The following CHRNE variants were observed in gnomAD, a reference collection of about 807,000 sequenced individuals.
The protein encoded by CHRNE is cholinergic receptor nicotinic epsilon subunit, also known as acetylcholine receptor subunit epsilon.
Under a neutral mutation model 56.5 loss-of-function variants are expected in CHRNE, and 58 were observed. The observed-to-expected ratio is 1.03, with a 90% CI of 0.83 to 1.28. The LOEUF is 1.28. CHRNE is among the 50% of genes most tolerant of loss of function. The pLI, the probability that CHRNE is intolerant of heterozygous loss-of-function variation, is 0.00. For missense variants in CHRNE, 793 were observed against 688.9 expected (o/e 1.15, Z -1.69); for synonymous variants, 385 against 297.9 (o/e 1.29, Z -3.01).
intron 5 of CHRNE, 97 bp downstream of exon 5, chr17:4,901,835 G>T (rs1969996499): frequency 6.4e-7 from 1 of 1,557,856 alleles, no homozygotes; most frequent in Non-Finnish European, 8.8e-7. Context: ...CCTCCAGCGC[G>T]AAGCCCCGCC....
intron 8 of CHRNE, chr17:4,900,170 A>T: frequency 1.3e-6 from 2 of 1,546,300 alleles, no homozygotes; most frequent in Non-Finnish European, 1.7e-6. Context: ...GGCTTAGGAT[A>T]CGCGGCGATC....
At chr17:4,899,789 C>G in intron 8 of CHRNE, 2 of 1,551,318 alleles carry the variant, frequency 1.3e-6, no homozygotes, top group Middle Eastern at 3.3e-4. Context: ...GCTCCCTGGA[C>G]ACCCTGATGT....
chr17:4,902,945 T>C lies in CHRNE; in HGVS notation c.46+73A>G, dbSNP rs369693200. On this transcript the variant is annotated intron_variant, in intron 1 of 11. Coordinates refer to ENST00000649488, the MANE Select transcript of CHRNE (RefSeq NM_000080.4). The surrounding 1 kb of genome is among the most constrained non-coding windows in gnomAD (Gnocchi z 4.0). Reference sequence around the variant, plus strand: ...GTGTCTAAGTCTCCATCTTGGTCTCTGTCTTTGTCTTCCCAGTCCCTTCAT... The same window carrying C: ...GTGTCTAAGTCTCCATCTTGGTCTCCGTCTTTGTCTTCCCAGTCCCTTCAT... 6 of 1,603,478 alleles carry C rather than the reference T, an allele frequency of 3.7e-6. No individual in the cohort carries two copies. The highest frequency in any genetic ancestry group is 1.3e-5 in the African/African-American group (1 of 74,624).
At position 4,900,872 on chromosome 17, in the gene CHRNE, G is replaced by T. The variant is rs900612569; in HGVS notation, c.838C>A (p.Leu280Met). 1 of 1,614,102 alleles carries T rather than the reference G, an allele frequency of 6.2e-7. No individual in the cohort carries two copies. Among genetic ancestry groups the T allele is most frequent in the Non-Finnish European group, 8.5e-7 (1 of 1,180,024 alleles). Residue 280 changes from leucine to methionine, a missense_variant, in exon 8 of 12, where the codon CTG becomes ATG. Physicochemically the swap from Leu to Met is conservative, Grantham distance 15. Transcript: ENST00000649488. ...GQKCTVSINV[L>M]LAQTVFLFLI... The stretch of plus-strand genomic sequence containing the variant: ...AACAAGAAGACGGTCTGGGCGAGCA[G>T]GACGTTGATGGAGACCGTGCATTTC...
upstream of CHRNE, among the ~76,000 whole-genome samples, chr17:4,906,306 C>G (rs1446124879): frequency 1.3e-5 from 2 of 152,254 alleles, no homozygotes; most frequent in East Asian, 3.9e-4. Flanking sequence ...TCTAGCAACC[C>G]AGCCCACTTC....
Position 4,898,775 on chromosome 17 carries a change from T to G in CHRNE, c.1443A>C (p.Arg481=), listed in dbSNP as rs2151093399. The G allele has an allele frequency of 1.2e-6, 2 of 1,610,228 alleles. No individual in the cohort carries two copies. The highest frequency in any genetic ancestry group is 1.1e-5 in the South Asian group (1 of 90,098). ...SLIFLGAYFN[R]VPDLPYAPCI... ...ACGGCGCGTAGGGGAGATCAGGCAC[T>G]CGGTTGAAGTAGGCCCCGAGGAAGA... is the stretch of plus-strand genomic sequence containing the variant. Residue 481 remains arginine (R), a synonymous_variant, in exon 12 of 12, where the codon CGA becomes CGC. Coordinates refer to ENST00000649488, the MANE Select transcript of CHRNE (RefSeq NM_000080.4).
chr17:4,899,676 G>T, intron 8 of CHRNE, 94 bp from the exon 9 acceptor site: 6 of 1,441,658 alleles, frequency 4.2e-6, no homozygotes, highest in Non-Finnish European at 5.7e-6. Context: ...CTCCTGGTAC[G>T]GGCTGGTTAC....
chr17:4,902,586 A>G lies in CHRNE; in HGVS notation c.189+35T>C, dbSNP rs1160775129. The G allele has an allele frequency of 6.2e-7, 1 of 1,613,930 alleles. No homozygotes were observed. Among genetic ancestry groups the G allele is most frequent in the Non-Finnish European group, 8.5e-7 (1 of 1,180,030 alleles). ...CTCAGCGGTTGGGGCCAGAAGTGGG[A>G]TTTTTGGCTTAAGATGAGGGTGGGG... On this transcript the variant is annotated intron_variant, in intron 2 of 11. Transcript: ENST00000649488. The surrounding 1 kb of genome is among the most constrained non-coding windows in gnomAD (Gnocchi z 4.0).
Position 4,900,740 on chromosome 17 carries a change from C to T in CHRNE, c.917+53G>A, listed in dbSNP as rs1384702944. 3.2e-6 allele frequency: 5 copies of T among 1,557,636 alleles called. No individual in the cohort carries two copies. The African/African-American group carries it at 5.5e-5, about 17-fold the overall frequency. ...TTTTCCCGGGGTCTCTGGGTTTTGGCCACGCCCCCACCCTTCACACTGGCC... is the reference window on the plus strand; with the variant it reads ...TTTTCCCGGGGTCTCTGGGTTTTGGTCACGCCCCCACCCTTCACACTGGCC... On this transcript the variant is annotated intron_variant, in intron 8 of 11. Transcript: ENST00000649488.
At chr17:4,908,562 G>A (rs1970118343) in intron 1 of CHRNE, among the ~76,000 whole-genome samples, 1 of 152,212 alleles carries the variant, frequency 6.6e-6, no homozygotes, top group African/African-American at 2.4e-5. Flanking sequence ...CTCGGGGGCT[G>A]AGACTTCCTG....
Position 4,901,199 on chromosome 17 carries a change from C to CG in CHRNE, c.602-10dup. ...GGCCCACTCGCCGTTCTCTGCGGGACGGGGGCACGGTCAGCTGGCTGTCAG... is the reference window on the plus strand; with the variant it reads ...GGCCCACTCGCCGTTCTCTGCGGGACGGGGGGCACGGTCAGCTGGCTGTCAG... On this transcript the variant is annotated splice_polypyrimidine_tract_variant and intron_variant, in intron 6 of 11. Transcript: ENST00000649488. 1.3e-6 allele frequency: 2 copies of CG among 1,599,754 alleles called. No individual in the cohort carries two copies. Among genetic ancestry groups the CG allele is most frequent in the Non-Finnish European group, 8.5e-7 (1 of 1,177,498 alleles).
chr17:4,902,144 CCCTT>C lies in CHRNE; in HGVS notation c.345-61_345-58del, dbSNP rs1157804984. The C allele has an allele frequency of 6.2e-7, 1 of 1,613,812 alleles. No individual in the cohort carries two copies. The highest frequency in any genetic ancestry group is 8.5e-7 in the Non-Finnish European group (1 of 1,179,908). ...CAGGTCTGCACCCTCTCAGAGTACC[CCCTT>C]CCCCAACCAAGTCCAGCCCGCACCC... On this transcript the variant is annotated intron_variant, in intron 4 of 11. Coordinates refer to ENST00000649488, the MANE Select transcript of CHRNE (RefSeq NM_000080.4). This position sits in a 1 kb window ranked among gnomAD's most constrained non-coding sequence, Gnocchi z 4.0.
At chr17:4,908,406 G>A (rs1174969390) in intron 1 of CHRNE, among the ~76,000 whole-genome samples, 3 of 152,164 alleles carry the variant, frequency 2.0e-5, no homozygotes, top group Non-Finnish European at 1.5e-5. Context: ...GGAGTTTCCG[G>A]AAGGGGCTCT....
chr17:4,901,739 A>ACCCAAG, intron 5 of CHRNE, 114 bp from the exon 6 acceptor site: 1 of 1,266,458 alleles, frequency 7.9e-7, no homozygotes, highest in South Asian at 1.2e-5. Context: ...CCACCCCTTC[A>ACCCAAG]CCCAAGCCCA....
Position 4,903,038 on chromosome 17 carries a change from AG to A in CHRNE, c.25del (p.Leu9CysfsTer49), listed in dbSNP as rs766471461. On this transcript the variant is annotated frameshift_variant, in exon 1 of 12. Transcript: ENST00000649488. LOFTEE classifies it high-confidence loss of function. MARAPLGV[L>X]LLLGLLGRGV... ...CGTACCGAGAAGCCCCAAGAGGAGCAGGACCCCAAGCGGAGCCCTTGCCATC... is the reference window on the plus strand; with the variant it reads ...CGTACCGAGAAGCCCCAAGAGGAGCAGACCCCAAGCGGAGCCCTTGCCATC... The A allele has an allele frequency of 6.2e-7, 1 of 1,613,934 alleles. No individual in the cohort carries two copies. Among genetic ancestry groups the A allele is most frequent in the Non-Finnish European group, 8.5e-7 (1 of 1,179,990 alleles).
chr17:4,902,694 C>CT lies in CHRNE; in HGVS notation c.115dup (p.Ser39LysfsTer8), dbSNP rs977512223. ...ATCCTCAGGCTCCCGCACTGGCCGG[C>CT]TTCCTGGGTCATAGTTGTTGAAGAG... On this transcript the variant is annotated frameshift_variant, in exon 2 of 12. Transcript: ENST00000649488. LOFTEE classifies it high-confidence loss of function. The surrounding 1 kb of genome is among the most constrained non-coding windows in gnomAD (Gnocchi z 4.0). The CT allele has an allele frequency of 8.7e-6, 14 of 1,613,986 alleles. No individual in the cohort carries two copies. Among genetic ancestry groups the CT allele is most frequent in the African/African-American group, 1.3e-5 (1 of 74,874 alleles).
chr17:4,907,918 A>G (rs1446969886), upstream of CHRNE, among the ~76,000 whole-genome samples: 1 of 151,576 alleles, frequency 6.6e-6, no homozygotes, highest in Non-Finnish European at 1.5e-5. Context: ...GGCTCACACC[A>G]GTAATCCCAG....
chr17:4,900,774 G>A lies in CHRNE; in HGVS notation c.917+19C>T. On this transcript the variant is annotated intron_variant, in intron 8 of 11. Transcript: ENST00000649488. ...CACCCTTCACACTGGCCACACCCCC[G>A]CGGGGGCTCCGGCTTCACCTGCCCA... is the stretch of plus-strand genomic sequence containing the variant. 5 of 1,607,218 alleles carry A rather than the reference G, an allele frequency of 3.1e-6. No individual in the cohort carries two copies. In the African/African-American group the frequency reaches 4.0e-5, roughly 13 times the overall value.
chr17:4,901,495 C>T (rs201392899), intron 6 of CHRNE, 30 bp downstream of exon 6: 2 of 1,601,652 alleles, frequency 1.2e-6, no homozygotes, highest in Non-Finnish European at 8.6e-7. Context: ...CGTCTAGAAG[C>T]GGGTTTTTCT....
Sources: allele counts gnomAD v4.1 joint callset (sites outside exome capture counted in the v4.1 genomes callset), GRCh38; gene constraint gnomAD v4.1.1; non-coding constraint Gnocchi (gnomAD v3.1); transcripts MANE v1.5; gene names NCBI Gene and HGNC (gene_info 2026-07-23, HGNC 2026-07-21).